KSR2: variants seen among roughly 807,000 people sequenced by gnomAD.
KSR2 encodes kinase suppressor of ras 2.
KSR2 carries 25 observed loss-of-function variants against 107.8 expected under a neutral mutation model. That is an observed-to-expected ratio of 0.23 (90% CI 0.17 to 0.32). KSR2 has a LOEUF of 0.32. KSR2 is among the 10% of genes least tolerant of loss of function. The probability of loss-of-function intolerance (pLI) is 1.00; values close to 1 mark genes in which losing one functional copy is unlikely to be tolerated. For synonymous variants in KSR2, 480 were observed against 507.0 expected (o/e 0.95, Z 0.71); for missense variants, 887 against 1,268.9 (o/e 0.70, Z 4.57).
intron 7 of KSR2, among the ~76,000 whole-genome samples, chr12:117,560,116 G>C (rs1005711611): frequency 6.6e-6 from 1 of 152,122 alleles, no homozygotes; most frequent in African/African-American, 2.4e-5. Context: ...CAGTGGTTCT[G>C]AAAGTAGTGT....
intron 4 of KSR2, among the ~76,000 whole-genome samples, chr12:117,735,275 T>C (rs985679983): frequency 7.2e-5 from 11 of 152,154 alleles, no homozygotes; most frequent in Admixed American, 1.3e-4. Context: ...TCTCTTTCTG[T>C]TTTCCAGAAA....
intron 1 of KSR2, among the ~76,000 whole-genome samples, chr12:117,861,303 C>T (rs977008643): frequency 1.3e-5 from 2 of 151,524 alleles, no homozygotes; most frequent in Non-Finnish European, 2.9e-5. Flanking sequence ...AATACTCTCC[C>T]ATTCATAAGG....
chr12:117,777,107 T>TATATATATATATATATATATATATACAC (rs58787858), intron 3 of KSR2, among the ~76,000 whole-genome samples: 2 of 66,152 alleles, frequency 3.0e-5, no homozygotes, highest in African/African-American at 6.0e-5. Flanking sequence ...TATATATATA[T>TATATATATATATATATATATATATACAC]ACACACACAC....
At chr12:117,608,561 C>T (rs1206500862) in intron 5 of KSR2, among the ~76,000 whole-genome samples, 1 of 152,122 alleles carries the variant, frequency 6.6e-6, no homozygotes, top group Non-Finnish European at 1.5e-5. Context: ...ACCTGAGGCA[C>T]AGTGCCTGGG....
intron 5 of KSR2, among the ~76,000 whole-genome samples, chr12:117,637,417 G>A (rs1883145318): frequency 6.6e-6 from 1 of 152,114 alleles, no homozygotes; most frequent in Admixed American, 6.5e-5. Context: ...CAAGGCTCAG[G>A]GTAGCCCCTA....
intron 4 of KSR2, among the ~76,000 whole-genome samples, chr12:117,747,566 A>G (rs1471947375): frequency 6.6e-6 from 1 of 152,064 alleles, no homozygotes; most frequent in Non-Finnish European, 1.5e-5. Flanking sequence ...AAACCTACAC[A>G]TTCTGCACAT....
intron 5 of KSR2, among the ~76,000 whole-genome samples, chr12:117,626,363 CACAT>C: frequency 6.6e-6 from 1 of 152,312 alleles, no homozygotes; most frequent in Middle Eastern, 3.4e-3. Flanking sequence ...TTTCCCTCTA[CACAT>C]TGCTTTAAAT....
intron 3 of KSR2, among the ~76,000 whole-genome samples, chr12:117,786,424 C>G (rs901461542): frequency 6.6e-6 from 1 of 151,958 alleles, no homozygotes; most frequent in African/African-American, 2.4e-5. Flanking sequence ...GATTATTTCA[C>G]CACCCAAGTA....
intron 14 of KSR2, among the ~76,000 whole-genome samples, chr12:117,486,077 A>G (rs1444958526): frequency 6.6e-6 from 1 of 152,206 alleles, no homozygotes; most frequent in Admixed American, 6.5e-5. Flanking sequence ...AGCTGCATGC[A>G]CTTACCAGGA....
intron 12 of KSR2, among the ~76,000 whole-genome samples, chr12:117,529,705 C>G (rs935981597): frequency 6.6e-6 from 1 of 151,638 alleles, no homozygotes; most frequent in Non-Finnish European, 1.5e-5. Context: ...ATTTTACACC[C>G]ATTAAAAACA....
intron 3 of KSR2, among the ~76,000 whole-genome samples, chr12:117,831,768 G>T (rs1891979568): frequency 6.6e-6 from 1 of 152,160 alleles, no homozygotes; most frequent in African/African-American, 2.4e-5. Context: ...TGATGGCTCA[G>T]GTGAATTCAC....
At chr12:117,652,560 A>T (rs1023432669) in intron 5 of KSR2, among the ~76,000 whole-genome samples, 2 of 152,210 alleles carry the variant, frequency 1.3e-5, no homozygotes, top group Admixed American at 1.3e-4. Flanking sequence ...AACCCTTTGA[A>T]TGAAGGGCAG....
intron 3 of KSR2, among the ~76,000 whole-genome samples, chr12:117,793,680 C>T (rs1890402863): frequency 6.7e-6 from 1 of 150,052 alleles, no homozygotes; most frequent in African/African-American, 2.5e-5. Context: ...CATGCACACA[C>T]CAACATGCAC....
rs540491237 is a variant in KSR2 at position 117,775,581 on chromosome 12, C to G, written c.473-14057G>C. 2.0e-5 allele frequency among the ~76,000 whole-genome samples: 3 copies of G among 152,358 alleles called. No individual in the cohort carries two copies. In the East Asian group the frequency reaches 5.8e-4, roughly 29 times the overall value. On this transcript the variant is annotated intron_variant, in intron 3 of 19. Coordinates refer to ENST00000339824, the MANE Select transcript of KSR2 (RefSeq NM_173598.6). Reference sequence around the variant, plus strand: ...AAAGTGAAATTCAAAACCTGGCAGTCTGACCACAGAGCACGTTCTCTTGGC... The same window carrying G: ...AAAGTGAAATTCAAAACCTGGCAGTGTGACCACAGAGCACGTTCTCTTGGC...
chr12:117,667,583 C>T lies in KSR2; in HGVS notation c.1062G>A (p.Gln354=). The change falls in exon 5 of 20, where the codon CAG becomes CAA. Residue 354 remains glutamine (Q), a synonymous_variant. Coordinates refer to ENST00000339824, the MANE Select transcript of KSR2 (RefSeq NM_173598.6). ...SVGSCENIPS[Q]QRSPLLSERS... ...GCTCGGACAGCAGCGGGGAGCGCTG[C>T]TGAGAGGGGATGTTCTCGCAGCTGC... 6.2e-7 allele frequency: 1 copy of T among 1,613,330 alleles called. No individual in the cohort carries two copies.
intron 4 of KSR2, among the ~76,000 whole-genome samples, chr12:117,718,665 G>C (rs1177430140): frequency 2.0e-5 from 3 of 152,198 alleles, no homozygotes; most frequent in Non-Finnish European, 4.4e-5. Flanking sequence ...CTCTAAGCCA[G>C]GCACCCTGCC....
chr12:117,682,403 C>A (rs1190560556), intron 4 of KSR2, among the ~76,000 whole-genome samples: 2 of 152,034 alleles, frequency 1.3e-5, no homozygotes, highest in African/African-American at 4.8e-5. Flanking sequence ...ATGTCCTGCA[C>A]ATGTACTTCA....
rs1002345535 is a variant in KSR2 at position 117,907,162 on chromosome 12, G to A, written c.181-46731C>T. On this transcript the variant is annotated intron_variant, in intron 1 of 19. Transcript: ENST00000339824. This position sits in a 1 kb window ranked among gnomAD's most constrained non-coding sequence, Gnocchi z 4.3. The stretch of plus-strand genomic sequence containing the variant: ...GATAGATGGGGAAGCTGAAGCTCAC[G>A]GAGATTAAATTACTTGCTTACATGA... Among the ~76,000 whole-genome samples, 1 of 152,266 alleles carries A rather than the reference G, an allele frequency of 6.6e-6. No individual in the cohort carries two copies. Among genetic ancestry groups the A allele is most frequent in the Admixed American group, 6.5e-5 (1 of 15,290 alleles).
intron 5 of KSR2, among the ~76,000 whole-genome samples, chr12:117,583,268 G>C (rs1879780237): frequency 6.7e-6 from 1 of 150,326 alleles, no homozygotes; most frequent in Admixed American, 6.6e-5. Context: ...TGGATGAATG[G>C]ATGGATAGGT....
Sources: gnomAD v4.1 joint callset for allele counts (sites outside exome capture counted in the v4.1 genomes callset) on GRCh38, gnomAD v4.1.1 for gene constraint, Gnocchi (gnomAD v3.1) non-coding constraint, MANE v1.5 for transcripts, NCBI Gene and HGNC (gene_info 2026-07-23, HGNC 2026-07-21) for gene names.